Variants in MAGI2 observed in about 807,000 individuals in gnomAD.
The protein encoded by MAGI2 is membrane-associated guanylate kinase, WW and PDZ domain-containing protein 2.
Under a neutral mutation model 133.3 loss-of-function variants are expected in MAGI2, and 35 were observed. The observed-to-expected ratio is 0.26, with a 90% confidence interval of 0.20 to 0.35. MAGI2 has a LOEUF of 0.35. Among genes scored for constraint, MAGI2 ranks in the 10% least tolerant of loss-of-function variants. MAGI2 has a pLI of 1.00. For missense variants in MAGI2, 1,636 were observed against 1,863.4 expected, an observed-to-expected ratio of 0.88 and a Z score of 2.25; for synonymous variants, 729 against 710.6, an observed-to-expected ratio of 1.03 and a Z score of -0.41.
At chr7:79,136,060 A>AGAAG (rs1562929104) in intron 1 of MAGI2, among the ~76,000 whole-genome samples, 15 of 131,242 alleles carry the variant, frequency 1.1e-4, no homozygotes, top group South Asian at 2.4e-4. Flanking sequence ...AAAGAAAGAA[A>AGAAG]GAAAGAAGGA....
chr7:78,549,475 A>G (rs906982937), intron 3 of MAGI2, among the ~76,000 whole-genome samples: 6 of 152,062 alleles, frequency 3.9e-5, no homozygotes, highest in African/African-American at 1.2e-4. Flanking sequence ...TCTGGAGAAG[A>G]GTCCTACTGC....
At chr7:78,664,052 T>A (rs539486873) in intron 2 of MAGI2, among the ~76,000 whole-genome samples, 13 of 152,212 alleles carry the variant, frequency 8.5e-5, no homozygotes, top group Admixed American at 7.2e-4. Context: ...AGTTTTTCAG[T>A]CTGTAGCAAC....
intron 6 of MAGI2, among the ~76,000 whole-genome samples, chr7:78,488,272 G>C (rs566661042): frequency 6.6e-6 from 1 of 152,004 alleles, no homozygotes; most frequent in East Asian, 1.9e-4. Context: ...CAGAGATGTG[G>C]GAAAAACAAA....
At chr7:78,917,775 T>C (rs773485498) in intron 2 of MAGI2, among the ~76,000 whole-genome samples, 5 of 152,248 alleles carry the variant, frequency 3.3e-5, no homozygotes, top group Non-Finnish European at 7.4e-5. Flanking sequence ...TCAGATATGA[T>C]AATTTTCTAA....
At chr7:79,242,390 A>G (rs960974404) in intron 1 of MAGI2, among the ~76,000 whole-genome samples, 1 of 152,158 alleles carries the variant, frequency 6.6e-6, no homozygotes, top group Admixed American at 6.5e-5. Flanking sequence ...AGTTAAGGTG[A>G]TCAACATATT....
chr7:78,407,430 C>T (rs1000084511), intron 6 of MAGI2, among the ~76,000 whole-genome samples: 1 of 151,824 alleles, frequency 6.6e-6, no homozygotes, highest in African/African-American at 2.4e-5. Context: ...TTTATCTTCC[C>T]AAATCCAAGT....
At chr7:79,026,675 G>A (rs1584722200) in intron 1 of MAGI2, among the ~76,000 whole-genome samples, 1 of 151,908 alleles carries the variant, frequency 6.6e-6, no homozygotes, top group Admixed American at 6.6e-5. Flanking sequence ...GAGTTCGAGA[G>A]CAGCCTGGCC....
At chr7:79,263,284 A>C (rs1834208190) in intron 1 of MAGI2, among the ~76,000 whole-genome samples, 1 of 152,094 alleles carries the variant, frequency 6.6e-6, no homozygotes, top group South Asian at 2.1e-4. Flanking sequence ...TGTAATCTTC[A>C]ACCCTCACAA....
chr7:78,659,256 CTG>C (rs1459995503), intron 2 of MAGI2, among the ~76,000 whole-genome samples: 1 of 151,676 alleles, frequency 6.6e-6, no homozygotes, highest in Non-Finnish European at 1.5e-5. Context: ...TGAGACCATC[CTG>C]GTTAACATGA....
intron 1 of MAGI2, among the ~76,000 whole-genome samples, chr7:79,298,386 A>C (rs764854817): frequency 6.6e-6 from 1 of 152,166 alleles, no homozygotes; most frequent in Non-Finnish European, 1.5e-5. Flanking sequence ...TTGCTATGAG[A>C]GTTCCTAACT....
At chr7:78,484,098 T>C (rs1003977998) in intron 6 of MAGI2, 1 of 151,948 alleles carries the variant, frequency 6.6e-6, no homozygotes, top group Non-Finnish European at 1.5e-5. Context: ...TAAGGGAAGA[T>C]AAACAATGTA....
chr7:78,546,770 T>C (rs989221190), intron 3 of MAGI2, among the ~76,000 whole-genome samples: 1 of 152,142 alleles, frequency 6.6e-6, no homozygotes, highest in East Asian at 1.9e-4. Context: ...TAAAGCTGTT[T>C]TGTGCCACAT....
At chr7:78,288,960 A>G (rs1479620343) in intron 9 of MAGI2, among the ~76,000 whole-genome samples, 1 of 152,234 alleles carries the variant, frequency 6.6e-6, no homozygotes, top group Non-Finnish European at 1.5e-5. Context: ...CGTCACCATC[A>G]TCAAAGACCA....
At chr7:78,422,403 G>A (rs1354319678) in intron 6 of MAGI2, among the ~76,000 whole-genome samples, 1 of 152,102 alleles carries the variant, frequency 6.6e-6, no homozygotes. Context: ...CAATAGACCT[G>A]ATGTTTTAGA....
chr7:78,326,407 A>C (rs915591939), intron 9 of MAGI2, among the ~76,000 whole-genome samples: 1 of 152,122 alleles, frequency 6.6e-6, no homozygotes, highest in Admixed American at 6.5e-5. Flanking sequence ...CTCTTTTAGC[A>C]CTTATCTCCA....
chr7:78,204,236 A>G (rs1462946981), intron 10 of MAGI2, among the ~76,000 whole-genome samples: 2 of 152,214 alleles, frequency 1.3e-5, no homozygotes, highest in African/African-American at 4.8e-5. Context: ...ACTGCTTGCT[A>G]AATTTCGCCT....
At chr7:78,461,002 G>C (rs1789925730) in intron 6 of MAGI2, among the ~76,000 whole-genome samples, 1 of 151,458 alleles carries the variant, frequency 6.6e-6, no homozygotes, top group African/African-American at 2.4e-5. Flanking sequence ...AATCTTTCCT[G>C]GCCTTTCATG....
intron 1 of MAGI2, among the ~76,000 whole-genome samples, chr7:79,226,401 T>C (rs1461611014): frequency 6.6e-6 from 1 of 152,174 alleles, no homozygotes; most frequent in Admixed American, 6.5e-5. Context: ...GTGACAGCTA[T>C]AGAATTTCAT....
chr7:78,232,565 A>G (rs919905203), intron 10 of MAGI2, among the ~76,000 whole-genome samples: 16 of 152,236 alleles, frequency 1.1e-4, no homozygotes, highest in African/African-American at 3.6e-4. Flanking sequence ...TCCATTTACA[A>G]TTTATTAAAG....
Sources: allele counts gnomAD v4.1 joint callset (sites outside exome capture counted in the v4.1 genomes callset), GRCh38; gene constraint gnomAD v4.1.1; transcripts MANE v1.5; gene names NCBI Gene and HGNC (gene_info 2026-07-23, HGNC 2026-07-21).